TRPM3: variants seen among roughly 807,000 people sequenced by gnomAD.
TRPM3 encodes the protein transient receptor potential cation channel subfamily M member 3, also known as long transient receptor potential channel 3.
In TRPM3, 77 loss-of-function variants were observed where a neutral mutation model predicts 181.2. The ratio of observed to expected loss-of-function variants is 0.42; its 90% confidence interval spans 0.35 to 0.51. TRPM3 has a LOEUF of 0.51. TRPM3 is among the 20% of genes least tolerant of loss of function. The probability of loss-of-function intolerance (pLI) is 0.01; values close to 1 mark genes in which losing one functional copy is unlikely to be tolerated. For synonymous variants in TRPM3, 745 were observed against 796.4 expected (o/e 0.94, Z 1.09); for missense variants, 1,759 against 2,196.7 (o/e 0.80, Z 3.98).
intron 1 of TRPM3, among the ~76,000 whole-genome samples, chr9:71,209,407 G>A (rs73467787): frequency 1.4e-5 from 2 of 138,312 alleles, no homozygotes; most frequent in South Asian, 2.4e-4. Context: ...AAGGAGGGAG[G>A]GAGAGAGAGA....
rs543966047 is a variant in TRPM3 at position 71,019,695 on chromosome 9, C to T, written c.177+101483G>A. Among the ~76,000 whole-genome samples, 3 of 151,890 alleles carry T rather than the reference C, an allele frequency of 2.0e-5. No individual in the cohort carries two copies. In the South Asian group the frequency reaches 6.2e-4, roughly 32 times the overall value. On this transcript the variant is annotated intron_variant, in intron 1 of 25. Transcript: ENST00000677713. Reference sequence around the variant, plus strand: ...ATTCAATGCAATCAGAATCCCATTCCCAAGAGGATTTTTACAAATTGGCAA... The same window carrying T: ...ATTCAATGCAATCAGAATCCCATTCTCAAGAGGATTTTTACAAATTGGCAA...
intron 1 of TRPM3, among the ~76,000 whole-genome samples, chr9:71,047,038 A>G (rs528672151): frequency 4.6e-4 from 70 of 152,332 alleles, no homozygotes; most frequent in Admixed American, 2.3e-3. Flanking sequence ...TTGAGGGAAA[A>G]ACACAAGGTT....
chr9:70,872,796 G>A (rs1008639393), intron 1 of TRPM3, among the ~76,000 whole-genome samples: 3 of 151,912 alleles, frequency 2.0e-5, no homozygotes, highest in Non-Finnish European at 2.9e-5. Context: ...CACATGGTTA[G>A]CACATAGAGG....
At position 71,363,692 on chromosome 9, in the gene TRPM3, G is replaced by A. The variant is rs561619876; in HGVS notation, c.183+82961C>T. On this transcript the variant is annotated intron_variant, in intron 1 of 24. Coordinates refer to the TRPM3 transcript ENST00000357533. ...TCACCCATCAAGTCTTAGCTTATAC[G>A]CACTGCACTTCCTCTGGGAATTCTT... Among the ~76,000 whole-genome samples the A allele has an allele frequency of 9.9e-5, 15 of 152,108 alleles. No individual in the cohort carries two copies. The East Asian group carries it at 2.7e-3, about 28-fold the overall frequency.
intron 9 of TRPM3, among the ~76,000 whole-genome samples, chr9:70,672,898 C>T (rs78290023): frequency 0.018 from 2,742 of 151,938 alleles, 95 homozygotes; most frequent in African/African-American, 0.06. Context: ...GTAAGTGTGC[C>T]GAGAATTTTA....
intron 19 of TRPM3, among the ~76,000 whole-genome samples, chr9:70,610,039 C>T (rs1456899481): frequency 6.6e-6 from 1 of 152,158 alleles, no homozygotes; most frequent in Non-Finnish European, 1.5e-5. Flanking sequence ...GATGTGCAAA[C>T]TAAACAATAT....
chr9:71,022,283 T>G (rs1239968943), intron 1 of TRPM3, among the ~76,000 whole-genome samples: 1 of 152,172 alleles, frequency 6.6e-6, no homozygotes, highest in Non-Finnish European at 1.5e-5. Context: ...GCAAAAGCAA[T>G]TCATTGGAGG....
chr9:71,040,239 A>G (rs894341778), intron 1 of TRPM3, among the ~76,000 whole-genome samples: 8 of 152,208 alleles, frequency 5.3e-5, no homozygotes, highest in African/African-American at 1.9e-4. Flanking sequence ...CTAGAGCTGG[A>G]ATTCTTTATA....
chr9:70,753,830 T>C (rs1318002212), intron 8 of TRPM3, among the ~76,000 whole-genome samples: 1 of 151,942 alleles, frequency 6.6e-6, no homozygotes, highest in Non-Finnish European at 1.5e-5. Context: ...CAGGTGTGAC[T>C]GGGAAGAAAT....
At chr9:71,201,092 T>G (rs2078759804) in intron 1 of TRPM3, among the ~76,000 whole-genome samples, 1 of 152,024 alleles carries the variant, frequency 6.6e-6, no homozygotes, top group Non-Finnish European at 1.5e-5. Context: ...CACTCAGCAT[T>G]TGCTTGTCTG....
intron 8 of TRPM3, among the ~76,000 whole-genome samples, chr9:70,754,120 A>G (rs2076655810): frequency 6.6e-6 from 1 of 152,172 alleles, no homozygotes; most frequent in South Asian, 2.1e-4. Context: ...AGGAGCTCAG[A>G]GGACAGACAG....
chr9:71,075,549 G>T (rs1166197512), intron 1 of TRPM3, among the ~76,000 whole-genome samples: 1 of 152,062 alleles, frequency 6.6e-6, no homozygotes, highest in Non-Finnish European at 1.5e-5. Flanking sequence ...GTGCTATTTG[G>T]TAGACTGAAT....
intron 14 of TRPM3, among the ~76,000 whole-genome samples, chr9:70,622,583 C>A (rs888707509): frequency 6.6e-6 from 1 of 152,166 alleles, no homozygotes; most frequent in Non-Finnish European, 1.5e-5. Context: ...ATTGGCCATG[C>A]TGGGAATGTG....
At chr9:70,987,897 A>C (rs2097437076) in intron 1 of TRPM3, among the ~76,000 whole-genome samples, 1 of 152,120 alleles carries the variant, frequency 6.6e-6, no homozygotes, top group Non-Finnish European at 1.5e-5. Flanking sequence ...AATAATTAAA[A>C]ACATTCCAAC....
In TRPM3 at chr9:71,237,703, T is replaced by G. The variant is rs374280370; in HGVS notation, c.183+208950A>C. Among the ~76,000 whole-genome samples, 7 of 152,228 alleles carry G rather than the reference T, an allele frequency of 4.6e-5. No individual in the cohort carries two copies. In the East Asian group the frequency reaches 1.3e-3, roughly 29 times the overall value. On this transcript the variant is annotated intron_variant, in intron 1 of 24. Transcript: ENST00000357533. Reference sequence around the variant, plus strand: ...TTAGAGAGTGTCTCAGTCTGTTTTGTGCCGCTGTAACAGAATATCTGAACT... The same window carrying G: ...TTAGAGAGTGTCTCAGTCTGTTTTGGGCCGCTGTAACAGAATATCTGAACT...
chr9:70,613,588 T>C (rs1033627446), intron 18 of TRPM3, among the ~76,000 whole-genome samples: 10 of 152,116 alleles, frequency 6.6e-5, no homozygotes, highest in Non-Finnish European at 1.3e-4. Context: ...GCCATCAGAG[T>C]CAAGGGAAGG....
intron 1 of TRPM3, among the ~76,000 whole-genome samples, chr9:71,021,241 G>A (rs2097844578): frequency 6.6e-6 from 1 of 152,128 alleles, no homozygotes; most frequent in Non-Finnish European, 1.5e-5. Flanking sequence ...TGGTGACTGA[G>A]GTAGTACATA....
chr9:71,079,802 A>C (rs537451423), intron 1 of TRPM3, among the ~76,000 whole-genome samples: 2 of 152,080 alleles, frequency 1.3e-5, no homozygotes, highest in Non-Finnish European at 2.9e-5. Context: ...TATATCCTGA[A>C]ATGGACTTTC....
intron 9 of TRPM3, among the ~76,000 whole-genome samples, chr9:70,648,748 A>C (rs1006209325): frequency 6.6e-6 from 1 of 152,118 alleles, no homozygotes; most frequent in Admixed American, 6.5e-5. Flanking sequence ...TAGGGCAAGG[A>C]CTCTCTATTC....
Sources: allele counts gnomAD v4.1 joint callset (sites outside exome capture counted in the v4.1 genomes callset), GRCh38; gene constraint gnomAD v4.1.1; transcripts MANE v1.5; gene names NCBI Gene and HGNC (gene_info 2026-07-23, HGNC 2026-07-21).